CAMKMT: variants seen among roughly 807,000 people sequenced by gnomAD.
CAMKMT encodes calmodulin-lysine N-methyltransferase.
A neutral mutation model predicts 48.0 loss-of-function variants in CAMKMT; 53 were observed. The observed-to-expected ratio is 1.10, with a 90% CI of 0.89 to 1.39. The LOEUF is 1.39. Ranked by LOEUF, CAMKMT falls within the 40% of genes most tolerant of loss-of-function variation. CAMKMT has a pLI of 0.00. For missense variants in CAMKMT, 428 were observed against 402.7 expected (o/e 1.06, Z -0.54); for synonymous variants, 165 against 152.3 (o/e 1.08, Z -0.61).
intron 6 of CAMKMT, among the ~76,000 whole-genome samples, chr2:44,714,880 G>A (rs343958): frequency 0.13 from 19,163 of 152,062 alleles, 1,361 homozygotes; most frequent in South Asian, 0.17. Context: ...TTCTCCTTTC[G>A]CTGTGCTCAT....
intron 7 of CAMKMT, among the ~76,000 whole-genome samples, chr2:44,723,334 T>C (rs1240811837): frequency 6.6e-6 from 1 of 152,176 alleles, no homozygotes. Context: ...AGCTCATGCC[T>C]GTAGTCCCAG....
intron 3 of CAMKMT, among the ~76,000 whole-genome samples, chr2:44,521,863 A>G (rs890781022): frequency 6.6e-6 from 1 of 152,180 alleles, no homozygotes; most frequent in South Asian, 2.1e-4. Flanking sequence ...TCTAAAAATA[A>G]AAATAAAAAT....
intron 3 of CAMKMT, among the ~76,000 whole-genome samples, chr2:44,564,644 T>C (rs931193833): frequency 6.6e-6 from 1 of 151,560 alleles, no homozygotes; most frequent in African/African-American, 2.4e-5. Context: ...GTTCAAGCGA[T>C]TCTCTCCTGC....
chr2:44,522,825 C>G (rs1356216937), intron 3 of CAMKMT, among the ~76,000 whole-genome samples: 1 of 152,168 alleles, frequency 6.6e-6, no homozygotes, highest in Non-Finnish European at 1.5e-5. Flanking sequence ...GTTCATCTTT[C>G]TCCTCTGACA....
intron 3 of CAMKMT, among the ~76,000 whole-genome samples, chr2:44,417,598 A>G (rs909207228): frequency 9.2e-5 from 14 of 152,206 alleles, no homozygotes; most frequent in South Asian, 2.1e-4. Context: ...GTTAGATTGT[A>G]TAAGTGTACA....
At chr2:44,545,563 TG>T (rs1392189453) in intron 3 of CAMKMT, among the ~76,000 whole-genome samples, 3 of 152,138 alleles carry the variant, frequency 2.0e-5, no homozygotes, top group Non-Finnish European at 4.4e-5. Context: ...TTTTTGTTTT[TG>T]TTTTTTTTGC....
rs1446209564 is a variant in CAMKMT, at chr2:44,410,255, T to A, written c.376+19950T>A. Among the ~76,000 whole-genome samples the A allele has an allele frequency of 1.2e-3, 14 of 11,256 alleles. 1 individual carries two copies. Among genetic ancestry groups the A allele is most frequent in the African/African-American group, 7.0e-3 (10 of 1,426 alleles). The allele number at this position is 11,256 out of a possible 152,430, so 7.4% of individuals were successfully genotyped here. On this transcript the variant is annotated intron_variant, in intron 3 of 10. Transcript: ENST00000378494. The stretch of plus-strand genomic sequence containing the variant: ...AGTATATATATATATATATTTTTTT[T>A]TTTTTTTTTTTTTTTTTTTGAGACG...
At chr2:44,560,313 A>G (rs958089703) in intron 3 of CAMKMT, among the ~76,000 whole-genome samples, 10 of 152,276 alleles carry the variant, frequency 6.6e-5, no homozygotes, top group African/African-American at 2.4e-4. Flanking sequence ...ATAAGGTCTC[A>G]CTCTGTTGCT....
intron 3 of CAMKMT, among the ~76,000 whole-genome samples, chr2:44,442,350 T>A (rs1419496180): frequency 6.6e-6 from 1 of 152,160 alleles, no homozygotes; most frequent in Non-Finnish European, 1.5e-5. Flanking sequence ...ATTATATACA[T>A]AAAAATGATA....
chr2:44,516,726 G>T, intron 3 of CAMKMT, among the ~76,000 whole-genome samples: 1 of 150,658 alleles, frequency 6.6e-6, no homozygotes. Flanking sequence ...TCTAATTAAG[G>T]ATGTTTCTTG....
chr2:44,559,413 A>G lies in CAMKMT; in HGVS notation c.377-144870A>G, dbSNP rs191767939. 2.6e-3 allele frequency among the ~76,000 whole-genome samples: 392 copies of G among 152,330 alleles called. 3 individuals carry two copies. The highest frequency in any genetic ancestry group is 9.0e-3 in the African/African-American group (376 of 41,588). ...AAGAGCCTATGTGTTCCTCTCTGTG[A>G]TAATGTACATTCTTTGCTCTGCTCT... On this transcript the variant is annotated intron_variant, in intron 3 of 10. Transcript: ENST00000378494.
At chr2:44,514,282 TA>T (rs35545150) in intron 3 of CAMKMT, among the ~76,000 whole-genome samples, 8,671 of 152,218 alleles carry the variant, frequency 0.057, 289 homozygotes, top group Non-Finnish European at 0.069. Flanking sequence ...ACTTAATGTT[TA>T]TGCCAGATGA....
chr2:44,368,322 G>A (rs1678825672), intron 1 of CAMKMT, among the ~76,000 whole-genome samples: 1 of 152,120 alleles, frequency 6.6e-6, no homozygotes, highest in South Asian at 2.1e-4. Flanking sequence ...CATCCCTTCA[G>A]TTCATTAAAC....
intron 3 of CAMKMT, among the ~76,000 whole-genome samples, chr2:44,488,599 G>A (rs1304675702): frequency 6.6e-6 from 1 of 152,084 alleles, no homozygotes; most frequent in Non-Finnish European, 1.5e-5. Flanking sequence ...CTACACAGGA[G>A]GCTGAGGTGG....
At chr2:44,672,095 G>A (rs1397051386) in intron 3 of CAMKMT, among the ~76,000 whole-genome samples, 2 of 152,046 alleles carry the variant, frequency 1.3e-5, no homozygotes, top group East Asian at 1.9e-4. Flanking sequence ...CTCCCCATCC[G>A]CCTCACTCCC....
intron 3 of CAMKMT, among the ~76,000 whole-genome samples, chr2:44,402,409 G>A (rs1348736635): frequency 1.3e-5 from 2 of 149,940 alleles, no homozygotes; most frequent in Non-Finnish European, 3.0e-5. Context: ...AGCTTCTAGA[G>A]TTGCATTTGA....
intron 10 of CAMKMT, among the ~76,000 whole-genome samples, chr2:44,769,962 AT>A (rs1681037537): frequency 6.6e-6 from 1 of 152,220 alleles, no homozygotes; most frequent in Non-Finnish European, 1.5e-5. Flanking sequence ...GTAAAGCATA[AT>A]GCTACTAATA....
At chr2:44,363,413 G>C (rs1229560109) in intron 1 of CAMKMT, among the ~76,000 whole-genome samples, 1 of 150,968 alleles carries the variant, frequency 6.6e-6, no homozygotes, top group East Asian at 2.0e-4. Context: ...TTTCCCTCTT[G>C]TTGCCCAGGC....
intron 3 of CAMKMT, among the ~76,000 whole-genome samples, chr2:44,459,981 G>A (rs752462516): frequency 7.9e-5 from 12 of 152,164 alleles, no homozygotes; most frequent in Non-Finnish European, 1.8e-4. Context: ...TTTTAGCCTG[G>A]AGGACCATTA....
Sources: gnomAD v4.1 joint callset for allele counts (sites outside exome capture counted in the v4.1 genomes callset) on GRCh38, gnomAD v4.1.1 for gene constraint, MANE v1.5 for transcripts, NCBI Gene and HGNC (gene_info 2026-07-23, HGNC 2026-07-21) for gene names.